The following MTNR1B variants were observed in gnomAD, a reference collection of about 807,000 sequenced individuals.
The protein encoded by MTNR1B is melatonin receptor 1B.
Under a neutral mutation model 7.0 loss-of-function variants are expected in MTNR1B, and 7 were observed. The ratio of observed to expected loss-of-function variants is 1.00; its 90% confidence interval spans 0.57 to 1.88. The LOEUF is 1.88. Among genes scored for constraint, MTNR1B ranks in the 40% most tolerant of loss-of-function variants. The pLI is 0.00. For synonymous variants in MTNR1B, 226 were observed against 208.2 expected (o/e 1.09, Z -0.74); for missense variants, 478 against 486.5 (o/e 0.98, Z 0.16).
Position 92,969,788 on chromosome 11 carries a change from C to T in MTNR1B, c.63C>T (p.Gly21=). 6.5e-7 allele frequency: 1 copy of T among 1,548,514 alleles called. No homozygotes were observed. Among genetic ancestry groups the T allele is most frequent in the Non-Finnish European group, 8.7e-7 (1 of 1,146,912 alleles). The change falls in exon 1 of 2, where the codon GGC becomes GGT. Residue 21 remains glycine, a synonymous_variant. Transcript: ENST00000257068. The part of the protein sequence containing the change: ...CEAGGWAVRP[G]WSGAGSARPS... ...CGGGCGGGTGGGCAGTGCGCCCGGGCTGGTCGGGGGCTGGCAGCGCGCGGC... is the reference window on the plus strand; with the variant it reads ...CGGGCGGGTGGGCAGTGCGCCCGGGTTGGTCGGGGGCTGGCAGCGCGCGGC...
At chr11:92,970,019 C>T in intron 1 of MTNR1B, 71 bp downstream of exon 1, 3 of 1,415,682 alleles carry the variant, frequency 2.1e-6, no homozygotes, top group Non-Finnish European at 1.9e-6. Flanking sequence ...TCCCTGACCC[C>T]GGGATATGCG....
At chr11:92,980,228 G>A (rs899356149) in intron 1 of MTNR1B, among the ~76,000 whole-genome samples, 2 of 152,222 alleles carry the variant, frequency 1.3e-5, no homozygotes, top group African/African-American at 4.8e-5. Flanking sequence ...AAGGCTGGAG[G>A]CTTCACCATG....
chr11:92,980,718 C>T (rs1310703352), intron 1 of MTNR1B, among the ~76,000 whole-genome samples: 1 of 152,200 alleles, frequency 6.6e-6, no homozygotes, highest in Non-Finnish European at 1.5e-5. Context: ...AGGCTGTGAG[C>T]TTAGGAGTGC....
intron 1 of MTNR1B, among the ~76,000 whole-genome samples, chr11:92,975,862 A>G (rs1303484483): frequency 6.6e-6 from 1 of 152,186 alleles, no homozygotes; most frequent in Non-Finnish European, 1.5e-5. Flanking sequence ...GTCACTTGGC[A>G]TCAGGTGTCT....
intron 1 of MTNR1B, among the ~76,000 whole-genome samples, chr11:92,973,009 G>A (rs7951037): frequency 0.65 from 98,037 of 151,840 alleles, 32,174 homozygotes; most frequent in African/African-American, 0.75. Flanking sequence ...ATTGCTTCCC[G>A]TCCTTCCTCA....
intron 1 of MTNR1B, among the ~76,000 whole-genome samples, chr11:92,970,352 G>A (rs954034733): frequency 2.2e-4 from 34 of 152,340 alleles, no homozygotes; most frequent in African/African-American, 7.5e-4. Context: ...GCCAAGCACT[G>A]TAGCTTTATG....
At chr11:92,971,513 T>C (rs1857922533) in intron 1 of MTNR1B, among the ~76,000 whole-genome samples, 1 of 152,214 alleles carries the variant, frequency 6.6e-6, no homozygotes, top group Non-Finnish European at 1.5e-5. Flanking sequence ...CTTGCAGCCA[T>C]CATAAACATT....
At chr11:92,978,450 C>T (rs752997038) in intron 1 of MTNR1B, among the ~76,000 whole-genome samples, 8 of 152,110 alleles carry the variant, frequency 5.3e-5, no homozygotes, top group Non-Finnish European at 1.2e-4. Flanking sequence ...AAACGAGTCA[C>T]GCCAGGACCC....
downstream of MTNR1B, among the ~76,000 whole-genome samples, chr11:92,983,388 CT>C (rs1351148450): frequency 6.6e-6 from 1 of 152,106 alleles, no homozygotes; most frequent in Admixed American, 6.5e-5. Context: ...TGGCCCATTC[CT>C]GTGGTCCTAA....
chr11:92,982,123 C>T lies in MTNR1B; in HGVS notation c.900C>T (p.Asn300=), dbSNP rs61743266. The change falls in exon 2 of 2, where the codon AAC becomes AAT. Residue 300 remains asparagine, a synonymous_variant. Coordinates refer to ENST00000257068, the MANE Select transcript of MTNR1B (RefSeq NM_005959.5). The stretch of plus-strand genomic sequence containing the variant: ...CTAGCTACTTACTGGCTTATTTCAA[C>T]AGCTGCCTGAATGCCATTGTCTATG... ...FVTSYLLAYF[N]SCLNAIVYGL... 6.2e-6 allele frequency: 10 copies of T among 1,614,116 alleles called. No homozygotes were observed. The highest frequency in any genetic ancestry group is 1.3e-5 in the African/African-American group (1 of 74,948).
At chr11:92,984,717 C>G (rs866863517), downstream of MTNR1B, 1 of 357,822 alleles carries the variant, frequency 2.8e-6, no homozygotes, top group South Asian at 2.2e-5. Flanking sequence ...TGAAGGCTGT[C>G]TTCAGTTTCC....
At chr11:92,980,994 C>A (rs1351362442) in intron 1 of MTNR1B, among the ~76,000 whole-genome samples, 5 of 152,098 alleles carry the variant, frequency 3.3e-5, no homozygotes, top group Admixed American at 3.3e-4. Context: ...GAGAGATGTG[C>A]GAGGAGGTGA....
intron 1 of MTNR1B, among the ~76,000 whole-genome samples, chr11:92,977,260 G>C (rs998754101): frequency 6.6e-6 from 1 of 152,068 alleles, no homozygotes; most frequent in Non-Finnish European, 1.5e-5. Flanking sequence ...CACATCCTAA[G>C]ATTTTCATAA....
chr11:92,970,135 G>A (rs1225546358), intron 1 of MTNR1B, among the ~76,000 whole-genome samples, 187 bp downstream of exon 1: 1 of 152,190 alleles, frequency 6.6e-6, no homozygotes, highest in Admixed American at 6.5e-5. Context: ...CCCCTCCGAA[G>A]TGCGGCTGCC....
chr11:92,970,104 C>A (rs1461070874), intron 1 of MTNR1B, among the ~76,000 whole-genome samples, 156 bp downstream of exon 1: 3 of 152,172 alleles, frequency 2.0e-5, no homozygotes, highest in Non-Finnish European at 4.4e-5. Flanking sequence ...ACTCTGCACT[C>A]AAAAGTTAGG....
rs1858129140 is a variant in MTNR1B, at chr11:92,982,529, A to C, written c.*217A>C. Reference sequence around the variant, plus strand: ...TCACAGGCCACAGGACCTGGAAAACACTCTTGGTGGTGTCTTGGGGATTTG... The same window carrying C: ...TCACAGGCCACAGGACCTGGAAAACCCTCTTGGTGGTGTCTTGGGGATTTG... On this transcript the variant is annotated 3_prime_UTR_variant, in exon 2 of 2. Coordinates refer to ENST00000257068, the MANE Select transcript of MTNR1B (RefSeq NM_005959.5). 2.0e-5 allele frequency: 11 copies of C among 560,874 alleles called. No homozygotes were observed. The highest frequency in any genetic ancestry group is 4.7e-4 in the Middle Eastern group (1 of 2,112). 34.7% of individuals were successfully genotyped at this position (560,874 alleles called of 1,614,324 possible).
At chr11:92,971,641 G>A (rs1258991929) in intron 1 of MTNR1B, among the ~76,000 whole-genome samples, 1 of 152,128 alleles carries the variant, frequency 6.6e-6, no homozygotes, top group Non-Finnish European at 1.5e-5. Context: ...ATTTAGAGCA[G>A]GTCTGTCAGG....
At position 92,981,828 on chromosome 11, in the gene MTNR1B, C is replaced by T. The variant is rs774779129; in HGVS notation, c.605C>T (p.Ala202Val). 9.3e-6 allele frequency: 15 copies of T among 1,614,202 alleles called. No individual in the cohort carries two copies. The highest frequency in any genetic ancestry group is 8.8e-5 in the South Asian group (8 of 91,086). The change falls in exon 2 of 2, where the codon GCG (alanine) becomes GTG (valine). Residue 202 changes from alanine to valine, a missense_variant. Coordinates refer to ENST00000257068, the MANE Select transcript of MTNR1B (RefSeq NM_005959.5). ...CAGACCGCCAGCACCCAGTACACGG[C>T]GGCAGTGGTGGTCATCCACTTCCTC... ...FIQTASTQYT[A>V]AVVVIHFLLP...
At position 92,981,733 on chromosome 11, in the gene MTNR1B, G is replaced by A. The variant is rs770435385; in HGVS notation, c.510G>A (p.Val170=). 6.2e-7 allele frequency: 1 copy of A among 1,614,218 alleles called. No individual in the cohort carries two copies. Among genetic ancestry groups the A allele is most frequent in the Non-Finnish European group, 8.5e-7 (1 of 1,180,040 alleles). The change falls in exon 2 of 2, where the codon GTG becomes GTA. Residue 170 remains valine, a synonymous_variant. Coordinates refer to ENST00000257068, the MANE Select transcript of MTNR1B (RefSeq NM_005959.5). ...GCCTCATCTGGCTCCTCACCGTGGT[G>A]GCCTTGCTGCCCAACTTCTTTGTGG... is the stretch of plus-strand genomic sequence containing the variant. ...HICLIWLLTV[V]ALLPNFFVGS... is the part of the protein sequence containing the mutation.
Sources: gnomAD v4.1 joint callset for allele counts (sites outside exome capture counted in the v4.1 genomes callset) on GRCh38, gnomAD v4.1.1 for gene constraint, MANE v1.5 for transcripts, NCBI Gene and HGNC (gene_info 2026-07-23, HGNC 2026-07-21) for gene names.